ADGRL2: variants seen among roughly 807,000 people sequenced by gnomAD.
The protein encoded by ADGRL2 is calcium-independent alpha-latrotoxin receptor 2.
Under a neutral mutation model 157.4 loss-of-function variants are expected in ADGRL2, and 44 were observed. The ratio of observed to expected loss-of-function variants is 0.28; its 90% CI spans 0.22 to 0.36. ADGRL2 has a LOEUF of 0.36. ADGRL2 is among the 10% of genes least tolerant of loss of function. The pLI is 1.00. For missense variants in ADGRL2, 1,510 were observed against 1,768.9 expected (o/e 0.85, Z 2.63); for synonymous variants, 585 against 624.7 (o/e 0.94, Z 0.95).
chr1:81,383,191 C>T (rs958441170), intron 1 of ADGRL2, among the ~76,000 whole-genome samples: 2 of 152,138 alleles, frequency 1.3e-5, no homozygotes, highest in African/African-American at 2.4e-5. Context: ...TTTCCTCTAA[C>T]GTTATTCTAA....
chr1:81,397,392 C>T lies in ADGRL2; in HGVS notation c.-301-47644C>T, dbSNP rs561199702. 4.8e-4 allele frequency among the ~76,000 whole-genome samples: 66 copies of T among 136,616 alleles called. 1 individual carries two copies. The highest frequency in any genetic ancestry group is 1.8e-3 in the African/African-American group (64 of 35,208). 89.6% of individuals were successfully genotyped at this position (136,616 alleles called of 152,430 possible). Reference sequence around the variant, plus strand: ...CTGGAGTGCAGCTGTGCAATCTCTGCTCACTGCAACTCCGCCTCCCGGGTT... The same window carrying T: ...CTGGAGTGCAGCTGTGCAATCTCTGTTCACTGCAACTCCGCCTCCCGGGTT... On this transcript the variant is annotated intron_variant, in intron 1 of 24. Transcript: ENST00000370721.
At chr1:81,900,554 A>G (rs919509974) in intron 2 of ADGRL2, among the ~76,000 whole-genome samples, 3 of 152,138 alleles carry the variant, frequency 2.0e-5, no homozygotes, top group African/African-American at 7.2e-5. Flanking sequence ...AAATGGGGAA[A>G]ACCTGTAGCT....
intron 2 of ADGRL2, among the ~76,000 whole-genome samples, chr1:81,539,862 A>G (rs116087815): frequency 0.014 from 2,098 of 152,284 alleles, 66 homozygotes; most frequent in African/African-American, 0.048. Flanking sequence ...CAAATCCCAA[A>G]AGCAGACAGA....
chr1:81,645,220 C>T (rs1013036646), intron 3 of ADGRL2, among the ~76,000 whole-genome samples: 3 of 151,642 alleles, frequency 2.0e-5, no homozygotes, highest in African/African-American at 7.3e-5. Flanking sequence ...CAAACTATGT[C>T]TCTACAAAGA....
intron 2 of ADGRL2, among the ~76,000 whole-genome samples, chr1:81,568,846 C>T (rs557253844): frequency 2.0e-5 from 3 of 151,930 alleles, no homozygotes; most frequent in African/African-American, 4.8e-5. Flanking sequence ...ACATTTTTAC[C>T]TATGTTCTTG....
chr1:81,403,786 G>A (rs1035836689), intron 1 of ADGRL2, among the ~76,000 whole-genome samples: 23 of 147,476 alleles, frequency 1.6e-4, no homozygotes, highest in African/African-American at 5.8e-4. Context: ...AGTCAGTAAA[G>A]CCAATGTCTT....
chr1:81,539,334 C>T (rs1024457575), intron 2 of ADGRL2, among the ~76,000 whole-genome samples: 2 of 152,128 alleles, frequency 1.3e-5, no homozygotes, highest in African/African-American at 4.8e-5. Flanking sequence ...CACCACCCCT[C>T]CCCACCAGGA....
chr1:81,309,586 T>C (rs1250823636), intron 1 of ADGRL2, among the ~76,000 whole-genome samples: 1 of 152,210 alleles, frequency 6.6e-6, no homozygotes, highest in East Asian at 1.9e-4. Context: ...GATTCAAATA[T>C]CTGATTCTGA....
intron 3 of ADGRL2, 68 bp from the exon 4 acceptor site, chr1:81,936,658 CTA>C (rs2095314709): frequency 1.1e-6 from 1 of 882,762 alleles, no homozygotes; most frequent in South Asian, 1.9e-5. Flanking sequence ...AGAAAAACTT[CTA>C]TGTTATATTT....
At chr1:81,920,395 C>T (rs1056941160) in intron 3 of ADGRL2, among the ~76,000 whole-genome samples, 5 of 152,102 alleles carry the variant, frequency 3.3e-5, no homozygotes, top group Admixed American at 6.5e-5. Context: ...GTGCCTCCCA[C>T]GTTCGCCTTT....
intron 3 of ADGRL2, among the ~76,000 whole-genome samples, chr1:81,685,315 C>T (rs76613241): frequency 0.024 from 3,668 of 151,672 alleles, 90 homozygotes; most frequent in Middle Eastern, 0.066. Context: ...TTTCTTTCAG[C>T]GGTGTTTTAT....
chr1:81,352,086 C>T (rs1015830009), intron 1 of ADGRL2, among the ~76,000 whole-genome samples: 2 of 152,220 alleles, frequency 1.3e-5, no homozygotes, highest in South Asian at 2.1e-4. Flanking sequence ...AAGGAGTCAC[C>T]GCAAAGATCT....
intron 2 of ADGRL2, among the ~76,000 whole-genome samples, chr1:81,782,375 A>C (rs1048955878): frequency 1.3e-5 from 2 of 152,206 alleles, no homozygotes; most frequent in African/African-American, 4.8e-5. Context: ...TATCAGTATA[A>C]TATATTAATG....
intron 1 of ADGRL2, among the ~76,000 whole-genome samples, chr1:81,407,529 G>A (rs2076874325): frequency 6.6e-6 from 1 of 152,208 alleles, no homozygotes; most frequent in African/African-American, 2.4e-5. Flanking sequence ...GATAACAGCT[G>A]TTTTTATTCT....
At position 81,901,582 on chromosome 1, in the gene ADGRL2, AT is replaced by A. The variant is rs959598559; in HGVS notation, c.74-5424del. On this transcript the variant is annotated intron_variant, in intron 2 of 23. Coordinates refer to ENST00000686636, the MANE Select transcript of ADGRL2 (RefSeq NM_001366006.2). ...AAAGGATTAAAACATATATATATAT[AT>A]TTTTTTTTTTGATGATTTCTTCCCG... is the stretch of plus-strand genomic sequence containing the variant. Among the ~76,000 whole-genome samples, 384 of 144,294 alleles carry A rather than the reference AT, an allele frequency of 2.7e-3. 1 individual carries two copies. Among genetic ancestry groups the A allele is most frequent in the African/African-American group, 7.9e-3 (306 of 38,530 alleles). 94.7% of individuals were successfully genotyped at this position (144,294 alleles called of 152,430 possible). A position where few individuals can be genotyped will look rare whatever the true frequency, so the allele number is the denominator to read the frequency against.
intron 1 of ADGRL2, among the ~76,000 whole-genome samples, chr1:81,326,617 A>G (rs971915883): frequency 6.6e-5 from 10 of 152,236 alleles, no homozygotes; most frequent in Non-Finnish European, 1.5e-4. Context: ...AAAAGAAGAA[A>G]AAAACACATT....
intron 2 of ADGRL2, among the ~76,000 whole-genome samples, chr1:81,467,046 TA>T (rs550364036): frequency 5.8e-3 from 761 of 130,222 alleles, no homozygotes; most frequent in Middle Eastern, 7.4e-3. Flanking sequence ...AAGCTACAGT[TA>T]AAAAAAAAAA....
chr1:81,867,010 A>G (rs1461000991), intron 2 of ADGRL2, among the ~76,000 whole-genome samples: 1 of 152,162 alleles, frequency 6.6e-6, no homozygotes, highest in Non-Finnish European at 1.5e-5. Context: ...TCATTACTGG[A>G]ATATAAGTTA....
At chr1:81,316,892 C>T (rs557928187) in intron 1 of ADGRL2, among the ~76,000 whole-genome samples, 12 of 152,322 alleles carry the variant, frequency 7.9e-5, no homozygotes, top group African/African-American at 2.9e-4. Flanking sequence ...GACTATCTCT[C>T]ATCCACCCCG....
Sources: allele counts gnomAD v4.1 joint callset (sites outside exome capture counted in the v4.1 genomes callset), GRCh38; gene constraint gnomAD v4.1.1; transcripts MANE v1.5; gene names NCBI Gene and HGNC (gene_info 2026-07-23, HGNC 2026-07-21).